SELENBP1: variants seen among roughly 807,000 people sequenced by gnomAD.
The protein encoded by SELENBP1 is selenium binding protein 1, also known as methanethiol oxidase.
SELENBP1 carries 71 observed loss-of-function variants against 61.0 expected under a neutral mutation model. The ratio of observed to expected loss-of-function variants is 1.16; its 90% CI spans 0.96 to 1.42. The LOEUF (loss-of-function observed/expected upper bound fraction) is 1.42, where lower values mean the gene tolerates loss of function less well. Among genes scored for constraint, SELENBP1 ranks in the 40% most tolerant of loss-of-function variants. The pLI is 0.00. For synonymous variants in SELENBP1, 270 were observed against 238.9 expected, an observed-to-expected ratio of 1.13 and a Z score of -1.20; for missense variants, 561 against 605.0, an observed-to-expected ratio of 0.93 and a Z score of 0.76.
Position 151,366,721 on chromosome 1 carries a change from C to T in SELENBP1, c.664+1G>A. 6.2e-7 allele frequency: 1 copy of T among 1,612,804 alleles called. No homozygotes were observed. The highest frequency in any genetic ancestry group is 8.5e-7 in the Non-Finnish European group (1 of 1,179,014). On this transcript the variant is annotated splice_donor_variant, in intron 6 of 11. Transcript: ENST00000368868. LOFTEE classifies it high-confidence loss of function. ...CTGCTGGCACATGGGGGGATTCTCA[C>T]CAGCCTCCACATCAGCGGGGTTGAA...
Position 151,369,508 on chromosome 1 carries a change from T to C in SELENBP1, c.108A>G (p.Thr36=), listed in dbSNP as rs778691983. 9 of 1,611,892 alleles carry C rather than the reference T, an allele frequency of 5.6e-6. No individual in the cohort carries two copies. In the Admixed American group the frequency reaches 1.3e-4, roughly 24 times the overall value. The change falls in exon 3 of 12, where the codon ACA becomes ACG. Residue 36 remains threonine (T), a synonymous_variant. Coordinates refer to ENST00000368868, the MANE Select transcript of SELENBP1 (RefSeq NM_003944.4). ...IVYLPCIYRN[T]GTEAPDYLAT... Reference sequence around the variant, plus strand: ...CCAGATAATCTGGGGCCTCAGTGCCTGTGTTTCGGTAAATGCAGGGCAGGT... The same window carrying C: ...CCAGATAATCTGGGGCCTCAGTGCCCGTGTTTCGGTAAATGCAGGGCAGGT...
chr1:151,371,825 C>T (rs976667983), intron 1 of SELENBP1, among the ~76,000 whole-genome samples: 3 of 152,178 alleles, frequency 2.0e-5, no homozygotes. Context: ...CCTGGCATGC[C>T]ACTGCAGCCC....
intron 1 of SELENBP1, chr1:151,370,106 C>T: frequency 1.0e-6 from 1 of 972,026 alleles, no homozygotes; most frequent in Non-Finnish European, 1.4e-6. Flanking sequence ...ACTGACTAGC[C>T]AGGGGAGCTT....
chr1:151,369,343 G>C (rs2102098771), intron 3 of SELENBP1, 99 bp downstream of exon 3: 1 of 1,421,266 alleles, frequency 7.0e-7, no homozygotes, highest in East Asian at 2.3e-5. Flanking sequence ...AGCATCCCCA[G>C]GGAGGGCCAA....
chr1:151,365,061 G>A lies in SELENBP1; in HGVS notation c.1138-17C>T, dbSNP rs1651728611. On this transcript the variant is annotated splice_polypyrimidine_tract_variant and intron_variant, in intron 10 of 11. Coordinates refer to ENST00000368868, the MANE Select transcript of SELENBP1 (RefSeq NM_003944.4). ...CCGTTTTCCCTTGGGAAAACCAGGG[G>A]TCAGAGCCCAGGGTAACACACAGAT... The A allele has an allele frequency of 6.2e-7, 1 of 1,600,844 alleles. No individual in the cohort carries two copies. Among genetic ancestry groups the A allele is most frequent in the African/African-American group, 1.3e-5 (1 of 74,762 alleles).
intron 7 of SELENBP1, 91 bp downstream of exon 7, chr1:151,366,184 G>A: frequency 6.8e-7 from 1 of 1,466,374 alleles, no homozygotes; most frequent in South Asian, 1.3e-5. Context: ...TTTCGTTCCT[G>A]GAGACGCCTG....
intron 1 of SELENBP1, chr1:151,370,105 C>T (rs1176163539): frequency 3.1e-6 from 3 of 974,758 alleles, no homozygotes; most frequent in East Asian, 2.7e-5. Flanking sequence ...CACTGACTAG[C>T]CAGGGGAGCT....
chr1:151,365,578 G>A lies in SELENBP1; in HGVS notation c.1029C>T (p.Pro343=), dbSNP rs114570747. 1,115 of 1,614,108 alleles carry A rather than the reference G, an allele frequency of 6.9e-4. 10 individuals carry two copies. In the African/African-American group the frequency reaches 0.013, roughly 19 times the overall value. Residue 343 remains proline (P), a synonymous_variant, in exon 9 of 12, where the codon CCC becomes CCT. Coordinates refer to ENST00000368868, the MANE Select transcript of SELENBP1 (RefSeq NM_003944.4). ...RQYDISDPQR[P]RLTGQLFLGG... is the part of the protein sequence containing the mutation. The stretch of plus-strand genomic sequence containing the variant: ...GGGTCTCCACCTGTCCTGTGAGGCG[G>A]GGTCTCTGTGGGTCAGAGATGTCAT...
chr1:151,369,167 G>A lies in SELENBP1; in HGVS notation c.197C>T (p.Pro66Leu). ...GTGATGCAGCTCGTCCTTCAGGTTG[G>A]GCATGGGCAGCCGGTGGATGACCTA... ...YCQVIHRLPM[P>L]NLKDELHHSG... The change falls in exon 4 of 12, where the codon CCC (proline) becomes CTC (leucine). Residue 66 changes from proline (P) to leucine (L), a missense_variant. Coordinates refer to ENST00000368868, the MANE Select transcript of SELENBP1 (RefSeq NM_003944.4). The A allele has an allele frequency of 1.9e-6, 3 of 1,612,034 alleles. No homozygotes were observed. Among genetic ancestry groups the A allele is most frequent in the Non-Finnish European group, 2.5e-6 (3 of 1,178,420 alleles).
At chr1:151,372,016 C>T (rs1263719017) in intron 1 of SELENBP1, among the ~76,000 whole-genome samples, 8 of 133,626 alleles carry the variant, frequency 6.0e-5, no homozygotes, top group South Asian at 2.3e-4. Flanking sequence ...CAGCCCCGAG[C>T]GGGGAAGGAC....
Position 151,366,907 on chromosome 1 carries a change from G to A in SELENBP1, c.482-3C>T. 6.2e-7 allele frequency: 1 copy of A among 1,612,332 alleles called. No homozygotes were observed. The highest frequency in any genetic ancestry group is 2.2e-5 in the East Asian group (1 of 44,864). On this transcript the variant is annotated splice_region_variant and splice_polypyrimidine_tract_variant and intron_variant, in intron 5 of 11. Coordinates refer to ENST00000368868, the MANE Select transcript of SELENBP1 (RefSeq NM_003944.4). Reference sequence around the variant, plus strand: ...CCCATCCAGCAGCACAAAACCCCCTGAACAGGGAAGGAAGCAGGGTGGCAG... The same window carrying A: ...CCCATCCAGCAGCACAAAACCCCCTAAACAGGGAAGGAAGCAGGGTGGCAG...
At position 151,365,861 on chromosome 1, in the gene SELENBP1, G is replaced by A. The variant is rs759809684; in HGVS notation, c.844-15C>T. 1.9e-6 allele frequency: 3 copies of A among 1,613,464 alleles called. No homozygotes were observed. The highest frequency in any genetic ancestry group is 2.2e-5 in the East Asian group (1 of 44,882). ...CATGTACCTCCCTACATTGAGGGGT[G>A]GAGGGTGAGGTTAGCTGGCAGAGAG... is the stretch of plus-strand genomic sequence containing the variant. On this transcript the variant is annotated splice_polypyrimidine_tract_variant and intron_variant, in intron 7 of 11. Transcript: ENST00000368868.
chr1:151,369,095 G>A lies in SELENBP1; in HGVS notation c.269C>T (p.Ser90Leu), dbSNP rs1284621522. Residue 90 changes from serine to leucine, a missense_variant, in exon 4 of 12, where the codon TCG becomes TTG. Transcript: ENST00000368868. ...ACTGGGCAGCACCAGCTTGGTGCGCGACTTGGTGCTATCACCGAAGCAGCT... is the reference window on the plus strand; with the variant it reads ...ACTGGGCAGCACCAGCTTGGTGCGCAACTTGGTGCTATCACCGAAGCAGCT... ...CSSCFGDSTKSRTKLVLPSLI... is the reference protein window; with the variant it reads ...CSSCFGDSTKLRTKLVLPSLI... 4 of 1,613,912 alleles carry A rather than the reference G, an allele frequency of 2.5e-6. No homozygotes were observed. Among genetic ancestry groups the A allele is most frequent in the South Asian group, 1.1e-5 (1 of 91,070 alleles).
chr1:151,369,309 C>T, intron 3 of SELENBP1, 120 bp from the exon 4 acceptor site: 1 of 1,443,216 alleles, frequency 6.9e-7, no homozygotes, highest in Non-Finnish European at 9.5e-7. Context: ...CAGCACTCCC[C>T]TTGTCCCAGG....
chr1:151,367,097 C>T (rs1651870712), intron 5 of SELENBP1, 193 bp from the exon 6 acceptor site: 1 of 1,377,108 alleles, frequency 7.3e-7, no homozygotes. Context: ...AATCCCAGCC[C>T]TTTGAGAGGC....
chr1:151,367,186 T>C, intron 5 of SELENBP1: 1 of 468,884 alleles, frequency 2.1e-6, no homozygotes, highest in South Asian at 5.8e-5. Context: ...CTATTAAAAA[T>C]ATAAAAAATT....
chr1:151,365,402 C>T, intron 9 of SELENBP1, 121 bp from the exon 10 acceptor site: 1 of 1,469,840 alleles, frequency 6.8e-7, no homozygotes, highest in South Asian at 1.2e-5. Context: ...ATGCCCATCC[C>T]TGGCCTGGAC....
rs371765294 is a variant in SELENBP1, at chr1:151,366,449, C to T, written c.669G>A (p.Leu223=). The T allele has an allele frequency of 9.3e-6, 15 of 1,613,414 alleles. No individual in the cohort carries two copies. The highest frequency in any genetic ancestry group is 1.3e-5 in the Non-Finnish European group (15 of 1,179,756). The change falls in exon 7 of 12, where the codon CTG becomes CTA. Residue 223 remains leucine (L), a synonymous_variant. Transcript: ENST00000368868. ...CCCATACATATAAGTGGCTCCCGTACAGTCCTGGGGTGGGAGTGGGGCCGG... is the reference window on the plus strand; with the variant it reads ...CCCATACATATAAGTGGCTCCCGTATAGTCCTGGGGTGGGAGTGGGGCCGG... The part of the protein sequence containing the change: ...GFNPADVEAG[L]YGSHLYVWDW...
chr1:151,370,007 C>T (rs1294311734), intron 1 of SELENBP1: 43 of 1,439,840 alleles, frequency 3.0e-5, no homozygotes, highest in Non-Finnish European at 3.8e-5. Flanking sequence ...TCCAGCAGGG[C>T]CCCGGGAGGG....
Sources: gnomAD v4.1 joint callset for allele counts (sites outside exome capture counted in the v4.1 genomes callset) on GRCh38, gnomAD v4.1.1 for gene constraint, MANE v1.5 for transcripts, NCBI Gene and HGNC (gene_info 2026-07-23, HGNC 2026-07-21) for gene names.